MDGA2: variants seen among roughly 807,000 people sequenced by gnomAD.
MDGA2 encodes MAM domain containing glycosylphosphatidylinositol anchor 2.
A neutral mutation model predicts 117.8 loss-of-function variants in MDGA2; 40 were observed. The ratio of observed to expected loss-of-function variants is 0.34; its 90% CI spans 0.26 to 0.44. MDGA2 has a LOEUF of 0.44. MDGA2 is among the 20% of genes least tolerant of loss of function. MDGA2 has a pLI of 1.00. For missense variants in MDGA2, 1,123 were observed against 1,250.6 expected (o/e 0.90, Z 1.54); for synonymous variants, 452 against 439.0 (o/e 1.03, Z -0.37).
chr14:47,602,538 G>A (rs1896667460), intron 1 of MDGA2, among the ~76,000 whole-genome samples: 1 of 151,968 alleles, frequency 6.6e-6, no homozygotes, highest in South Asian at 2.1e-4. Flanking sequence ...CTCTTTTTAG[G>A]TTGAAATGTG....
chr14:46,929,059 C>G lies in MDGA2; in HGVS notation c.2090-8899G>C, dbSNP rs192140581. On this transcript the variant is annotated intron_variant, in intron 9 of 16. Transcript: ENST00000399232. Reference sequence around the variant, plus strand: ...ATTTGGCTCTGGGGTCACATGATTGCTAAACTCTGTTCTAAATTATTTCAG... The same window carrying G: ...ATTTGGCTCTGGGGTCACATGATTGGTAAACTCTGTTCTAAATTATTTCAG... Among the ~76,000 whole-genome samples, 183 of 152,202 alleles carry G rather than the reference C, an allele frequency of 1.2e-3. 2 individuals are homozygous for G. Among genetic ancestry groups the G allele is most frequent in the African/African-American group, 4.2e-3 (175 of 41,552 alleles).
intron 8 of MDGA2, among the ~76,000 whole-genome samples, chr14:46,979,745 T>G (rs563346782): frequency 2.0e-5 from 3 of 152,144 alleles, no homozygotes; most frequent in African/African-American, 7.2e-5. Context: ...GAAGAAAAGT[T>G]TGAAGCTATC....
chr14:47,464,144 C>CACAG (rs1893550229), intron 1 of MDGA2, among the ~76,000 whole-genome samples: 1 of 149,132 alleles, frequency 6.7e-6, no homozygotes, highest in Admixed American at 6.7e-5. Context: ...CACACACACA[C>CACAG]AGAGCCTCTG....
At chr14:47,338,214 A>G (rs1890517739) in intron 1 of MDGA2, among the ~76,000 whole-genome samples, 1 of 151,896 alleles carries the variant, frequency 6.6e-6, no homozygotes, top group African/African-American at 2.4e-5. Flanking sequence ...ATTAGAGTGA[A>G]TGAGATTTCA....
intron 15 of MDGA2, among the ~76,000 whole-genome samples, chr14:46,851,848 G>A (rs1422300493): frequency 4.0e-5 from 6 of 151,242 alleles, no homozygotes; most frequent in Non-Finnish European, 4.4e-5. Flanking sequence ...CCTAGAAGAC[G>A]TTACATACCA....
intron 8 of MDGA2, among the ~76,000 whole-genome samples, chr14:47,012,694 A>G (rs10140329): frequency 0.85 from 128,955 of 152,000 alleles, 54,824 homozygotes; most frequent in East Asian, 0.97. Flanking sequence ...TGGGTGTAGA[A>G]GCAGGAGGTC....
At chr14:46,924,240 T>C (rs1884241069) in intron 9 of MDGA2, among the ~76,000 whole-genome samples, 1 of 151,982 alleles carries the variant, frequency 6.6e-6, no homozygotes, top group Non-Finnish European at 1.5e-5. Flanking sequence ...GAAATACTGG[T>C]ATTTCATTTT....
intron 1 of MDGA2, among the ~76,000 whole-genome samples, chr14:47,511,009 T>C (rs1366882660): frequency 6.6e-6 from 1 of 152,192 alleles, no homozygotes; most frequent in Non-Finnish European, 1.5e-5. Context: ...CTGTCTCAAC[T>C]TTATTATGGC....
intron 10 of MDGA2, among the ~76,000 whole-genome samples, chr14:46,891,663 A>C (rs1164857674): frequency 4.0e-5 from 6 of 151,732 alleles, no homozygotes; most frequent in Admixed American, 3.3e-4. Context: ...AGGACTTAAG[A>C]AGGTGAAATT....
intron 14 of MDGA2, among the ~76,000 whole-genome samples, chr14:46,865,760 G>C (rs965209938): frequency 7.9e-5 from 12 of 152,060 alleles, no homozygotes; most frequent in Non-Finnish European, 1.3e-4. Context: ...GATGAACAGA[G>C]AGCCAAATCA....
intron 1 of MDGA2, among the ~76,000 whole-genome samples, chr14:47,600,249 C>T (rs1358249303): frequency 6.6e-6 from 1 of 151,716 alleles, no homozygotes; most frequent in African/African-American, 2.4e-5. Context: ...TACAAAAAAG[C>T]AGCTTTTTGT....
intron 1 of MDGA2, among the ~76,000 whole-genome samples, chr14:47,543,437 A>G (rs1895393036): frequency 6.6e-6 from 1 of 152,208 alleles, no homozygotes; most frequent in Non-Finnish European, 1.5e-5. Flanking sequence ...GTACAAGCAG[A>G]AAGTAAACAC....
At chr14:47,622,659 C>T (rs563331669) in intron 1 of MDGA2, among the ~76,000 whole-genome samples, 1 of 152,252 alleles carries the variant, frequency 6.6e-6, no homozygotes, top group South Asian at 2.1e-4. Context: ...TCTGATGCAG[C>T]CACTACAGAA....
chr14:47,146,629 T>A (rs1299003138), intron 3 of MDGA2, among the ~76,000 whole-genome samples: 1 of 152,240 alleles, frequency 6.6e-6, no homozygotes, highest in Non-Finnish European at 1.5e-5. Flanking sequence ...GTAAACAATT[T>A]ACTTTTTTTC....
chr14:46,911,284 A>G (rs770564060), intron 10 of MDGA2, among the ~76,000 whole-genome samples: 1 of 152,236 alleles, frequency 6.6e-6, no homozygotes, highest in Non-Finnish European at 1.5e-5. Flanking sequence ...TTAAACATCA[A>G]TGATATTTTG....
rs1594544333 is a variant in MDGA2 at position 47,029,640 on chromosome 14, A to C, written c.1819+5371T>G. ...TACTTTGAAATATACTCACATTACTAAAAGACTTTAATAGCGCTTTGAGAT... is the reference window on the plus strand; with the variant it reads ...TACTTTGAAATATACTCACATTACTCAAAGACTTTAATAGCGCTTTGAGAT... On this transcript the variant is annotated intron_variant, in intron 8 of 16. Coordinates refer to ENST00000399232, the MANE Select transcript of MDGA2 (RefSeq NM_001113498.3). Among the ~76,000 whole-genome samples, 3 of 152,172 alleles carry C rather than the reference A, an allele frequency of 2.0e-5. No individual in the cohort carries two copies. The South Asian group carries it at 6.2e-4, about 31-fold the overall frequency.
intron 8 of MDGA2, among the ~76,000 whole-genome samples, chr14:46,995,970 A>T (rs1357358243): frequency 1.3e-5 from 2 of 151,680 alleles, no homozygotes; most frequent in Non-Finnish European, 2.9e-5. Flanking sequence ...TTTTACATTT[A>T]AAAAAAAGCA....
chr14:47,267,943 C>G (rs572949568), intron 2 of MDGA2, among the ~76,000 whole-genome samples: 2 of 152,242 alleles, frequency 1.3e-5, no homozygotes, highest in East Asian at 1.9e-4. Context: ...ATTGGTAGTA[C>G]TGAGCAACGT....
chr14:46,936,086 T>C (rs566865164), intron 9 of MDGA2, among the ~76,000 whole-genome samples: 1 of 152,266 alleles, frequency 6.6e-6, no homozygotes, highest in East Asian at 1.9e-4. Flanking sequence ...AATTTTGATG[T>C]ATTACTTTAT....
Sources: gnomAD v4.1 joint callset for allele counts (sites outside exome capture counted in the v4.1 genomes callset) on GRCh38, gnomAD v4.1.1 for gene constraint, MANE v1.5 for transcripts, NCBI Gene and HGNC (gene_info 2026-07-23, HGNC 2026-07-21) for gene names.